PRKCB: variants seen among roughly 807,000 people sequenced by gnomAD.
PRKCB encodes the protein protein kinase C beta, also known as protein kinase C beta type.
In PRKCB, 13 loss-of-function variants were observed where a neutral mutation model predicts 81.5. That is an observed-to-expected ratio of 0.16 (90% CI 0.10 to 0.25). The LOEUF (loss-of-function observed/expected upper bound fraction) is 0.25. PRKCB is among the 10% of genes least tolerant of loss of function. PRKCB has a pLI of 1.00. For synonymous variants in PRKCB, 335 were observed against 321.4 expected (o/e 1.04, Z -0.45); for missense variants, 509 against 875.7 (o/e 0.58, Z 5.29).
chr16:23,865,533 G>A (rs867837366), intron 2 of PRKCB, among the ~76,000 whole-genome samples: 5 of 6,072 alleles, frequency 8.2e-4, no homozygotes, highest in African/African-American at 1.2e-3. Flanking sequence ...GTGTGTGTGT[G>A]TGTGTGTGTG....
At chr16:24,076,601 C>A (rs187995337) in intron 5 of PRKCB, among the ~76,000 whole-genome samples, 1 of 152,276 alleles carries the variant, frequency 6.6e-6, no homozygotes. Context: ...GGAGGAGCCT[C>A]AGGGTACAAG....
chr16:24,106,347 T>G lies in PRKCB; in HGVS notation c.822-6626T>G, dbSNP rs139363969. 2.6e-4 allele frequency among the ~76,000 whole-genome samples: 40 copies of G among 152,324 alleles called. No individual in the cohort carries two copies. The East Asian group carries it at 7.3e-3, about 28-fold the overall frequency. ...ATAGCACTCAGTAAGTGTTAGTCAT[T>G]ATTGTTAATTGAATAATTATTAGAA... On this transcript the variant is annotated intron_variant, in intron 7 of 16. Transcript: ENST00000643927.
chr16:24,097,031 CCTTTTT>C (rs1966453952), intron 7 of PRKCB, among the ~76,000 whole-genome samples: 1 of 127,170 alleles, frequency 7.9e-6, no homozygotes, highest in Non-Finnish European at 1.6e-5. Flanking sequence ...TCATCTTAGG[CCTTTTT>C]TTTTTTTTTT....
rs991995748 is a variant in PRKCB, at chr16:24,216,679, G to A, written c.*1863G>A. On this transcript the variant is annotated 3_prime_UTR_variant, in exon 17 of 17. Transcript: ENST00000643927. ...TCTTCTTGCTTCAGGCTTGGGGACCGTCCCTGCTGTCCCCACTGTGGTGGC... is the reference window on the plus strand; with the variant it reads ...TCTTCTTGCTTCAGGCTTGGGGACCATCCCTGCTGTCCCCACTGTGGTGGC... The A allele has an allele frequency of 1.7e-5, 17 of 985,322 alleles. No individual in the cohort carries two copies. The highest frequency in any genetic ancestry group is 1.4e-4 in the South Asian group (3 of 21,288). The allele number at this position is 985,322 out of a possible 1,614,324, so 61.0% of individuals were successfully genotyped here. A position where few individuals can be genotyped will look rare whatever the true frequency, so the allele number is the denominator to read the frequency against.
chr16:24,219,479 G>A lies in PRKCB; in HGVS notation c.*4663G>A. 1.0e-6 allele frequency: 1 copy of A among 986,868 alleles called. No homozygotes were observed. The highest frequency in any genetic ancestry group is 1.2e-6 in the Non-Finnish European group (1 of 831,030). 61.1% of individuals were successfully genotyped at this position (986,868 alleles called of 1,614,324 possible). A position where few individuals can be genotyped will look rare whatever the true frequency, so the allele number is the denominator to read the frequency against. On this transcript the variant is annotated 3_prime_UTR_variant, in exon 17 of 17. Transcript: ENST00000643927. ...CCACATGGCCATTCTGCCTTCTTGG[G>A]GGCAGAGTAGATGGGCAGCAGTTCA...
At chr16:23,863,955 T>A (rs533424485) in intron 2 of PRKCB, among the ~76,000 whole-genome samples, 10 of 152,330 alleles carry the variant, frequency 6.6e-5, no homozygotes, top group South Asian at 6.2e-4. Flanking sequence ...AGGAAGTTAC[T>A]GCTCTTATTT....
chr16:24,039,900 C>T (rs533307959), intron 5 of PRKCB, among the ~76,000 whole-genome samples: 25 of 152,266 alleles, frequency 1.6e-4, no homozygotes, highest in South Asian at 8.3e-4. Context: ...CAGAGAGGAG[C>T]GAGCACTAAA....
chr16:23,903,294 T>C (rs1185345819), intron 2 of PRKCB, among the ~76,000 whole-genome samples: 1 of 151,670 alleles, frequency 6.6e-6, no homozygotes, highest in Non-Finnish European at 1.5e-5. Flanking sequence ...TGCACCCACG[T>C]GTGTGTGGGG....
intron 2 of PRKCB, among the ~76,000 whole-genome samples, chr16:23,958,766 T>A (rs1323811595): frequency 4.0e-5 from 6 of 149,520 alleles, no homozygotes; most frequent in Non-Finnish European, 8.9e-5. Flanking sequence ...CTCTTCTTAT[T>A]CCTCCTCCTT....
intron 2 of PRKCB, among the ~76,000 whole-genome samples, chr16:23,849,659 G>T (rs1452728570): frequency 1.3e-5 from 2 of 150,368 alleles, no homozygotes; most frequent in African/African-American, 4.9e-5. Context: ...TTTTATTTCA[G>T]TTGGATATTC....
intron 2 of PRKCB, among the ~76,000 whole-genome samples, chr16:23,859,403 C>T (rs910959680): frequency 5.9e-5 from 9 of 152,176 alleles, no homozygotes; most frequent in African/African-American, 1.9e-4. Flanking sequence ...GATAGCACAG[C>T]GTGGTCTGGC....
At chr16:23,937,155 G>A (rs1964072987) in intron 2 of PRKCB, among the ~76,000 whole-genome samples, 1 of 152,176 alleles carries the variant, frequency 6.6e-6, no homozygotes, top group South Asian at 2.1e-4. Context: ...TGAATGACCT[G>A]CAGGCACCAT....
chr16:23,937,219 G>A (rs907079270), intron 2 of PRKCB, among the ~76,000 whole-genome samples: 3 of 152,160 alleles, frequency 2.0e-5, no homozygotes, highest in African/African-American at 7.2e-5. Flanking sequence ...TTTGAGGCAA[G>A]GCCCAATAAA....
At chr16:23,990,706 C>A (rs1198616384) in intron 3 of PRKCB, among the ~76,000 whole-genome samples, 1 of 151,986 alleles carries the variant, frequency 6.6e-6, no homozygotes, top group Non-Finnish European at 1.5e-5. Flanking sequence ...TGCCACCACA[C>A]CTGGCTAATT....
intron 2 of PRKCB, among the ~76,000 whole-genome samples, chr16:23,925,071 G>A (rs1963878020): frequency 6.6e-6 from 1 of 152,032 alleles, no homozygotes; most frequent in Admixed American, 6.6e-5. Flanking sequence ...TGGCACATCT[G>A]GGGTATAGTT....
At chr16:23,995,901 G>A (rs1466012964) in intron 3 of PRKCB, among the ~76,000 whole-genome samples, 1 of 151,944 alleles carries the variant, frequency 6.6e-6, no homozygotes, top group African/African-American at 2.4e-5. Flanking sequence ...CCCAGAAGTG[G>A]ACAGCTACAG....
At chr16:24,045,843 T>A (rs1265454865) in intron 5 of PRKCB, among the ~76,000 whole-genome samples, 1 of 152,226 alleles carries the variant, frequency 6.6e-6, no homozygotes, top group Non-Finnish European at 1.5e-5. Context: ...GAATGTGTCT[T>A]TTCCACTAGA....
intron 8 of PRKCB, among the ~76,000 whole-genome samples, chr16:24,114,910 C>T (rs936558482): frequency 6.7e-6 from 1 of 150,272 alleles, no homozygotes; most frequent in Non-Finnish European, 1.5e-5. Flanking sequence ...AGGTCAGGTA[C>T]CTTGAGAACA....
intron 2 of PRKCB, among the ~76,000 whole-genome samples, chr16:23,857,795 C>T (rs1044580546): frequency 3.9e-5 from 6 of 152,094 alleles, no homozygotes; most frequent in Middle Eastern, 6.8e-3. Context: ...GACAGAGAGG[C>T]CAAGGGAATT....
Sources: gnomAD v4.1 joint callset for allele counts (sites outside exome capture counted in the v4.1 genomes callset) on GRCh38, gnomAD v4.1.1 for gene constraint, MANE v1.5 for transcripts, NCBI Gene and HGNC (gene_info 2026-07-23, HGNC 2026-07-21) for gene names.